NAALADL2: variants seen among roughly 807,000 people sequenced by gnomAD.
NAALADL2 encodes inactive N-acetylated-alpha-linked acidic dipeptidase-like protein 2.
NAALADL2 carries 76 observed loss-of-function variants against 87.2 expected under a neutral mutation model. That is an observed-to-expected ratio of 0.87 (90% CI 0.72 to 1.05). NAALADL2 has a LOEUF of 1.05. NAALADL2 is among the 50% of genes least tolerant of loss of function. The probability of loss-of-function intolerance (pLI) is 0.00; values close to 1 mark genes in which losing one functional copy is unlikely to be tolerated. For synonymous variants in NAALADL2, 354 were observed against 331.0 expected (o/e 1.07, Z -0.75); for missense variants, 1,089 against 945.8 (o/e 1.15, Z -1.99).
intron 11 of NAALADL2, among the ~76,000 whole-genome samples, chr3:175,637,877 C>G (rs1048256949): frequency 6.6e-6 from 1 of 152,000 alleles, no homozygotes; most frequent in Non-Finnish European, 1.5e-5. Context: ...TTTTATGGAC[C>G]TTGGAATTGA....
intron 6 of NAALADL2, among the ~76,000 whole-genome samples, chr3:175,450,015 A>G (rs1721316470): frequency 6.6e-6 from 1 of 152,304 alleles, no homozygotes; most frequent in African/African-American, 2.4e-5. Flanking sequence ...TAAATTTTCC[A>G]AATACTGATT....
chr3:175,733,483 T>A (rs960823161), intron 11 of NAALADL2, among the ~76,000 whole-genome samples: 10 of 152,170 alleles, frequency 6.6e-5, no homozygotes, highest in African/African-American at 2.2e-4. Context: ...CATCTCCTAC[T>A]GGGTCCTTCC....
At chr3:175,768,076 A>G (rs1188907399) in intron 13 of NAALADL2, among the ~76,000 whole-genome samples, 1 of 152,130 alleles carries the variant, frequency 6.6e-6, no homozygotes, top group African/African-American at 2.4e-5. Flanking sequence ...ATAATTGGTC[A>G]TGGTGGGGTT....
At chr3:175,259,220 C>T (rs1750597526) in intron 4 of NAALADL2, among the ~76,000 whole-genome samples, 1 of 152,138 alleles carries the variant, frequency 6.6e-6, no homozygotes, top group Admixed American at 6.5e-5. Flanking sequence ...TCTCCAACAA[C>T]AGATAGGTAA....
chr3:175,510,426 C>G (rs1400691867), intron 9 of NAALADL2, among the ~76,000 whole-genome samples: 2 of 152,156 alleles, frequency 1.3e-5, no homozygotes, highest in Admixed American at 6.5e-5. Context: ...ATGAATGAGA[C>G]ATGTCAGTTG....
chr3:175,605,571 T>C (rs1236371371), intron 10 of NAALADL2, among the ~76,000 whole-genome samples: 1 of 151,588 alleles, frequency 6.6e-6, no homozygotes, highest in Non-Finnish European at 1.5e-5. Context: ...TAAGCATATG[T>C]TTTACTCTTC....
intron 2 of NAALADL2, among the ~76,000 whole-genome samples, chr3:174,685,980 C>T (rs1428806618): frequency 6.6e-6 from 1 of 152,052 alleles, no homozygotes; most frequent in African/African-American, 2.4e-5. Flanking sequence ...CATCCATTTT[C>T]CTGTAAAGGA....
intron 6 of NAALADL2, among the ~76,000 whole-genome samples, chr3:175,449,398 T>TC (rs1560570325): frequency 8.9e-5 from 13 of 146,732 alleles, no homozygotes; most frequent in East Asian, 2.0e-4. Flanking sequence ...TTTCTTCTTT[T>TC]TTTTTTTTTT....
chr3:174,616,439 C>T (rs1390095129), intron 2 of NAALADL2, among the ~76,000 whole-genome samples: 1 of 151,806 alleles, frequency 6.6e-6, no homozygotes, highest in African/African-American at 2.4e-5. Flanking sequence ...GAATGATGAC[C>T]AACTGTTTAT....
At chr3:175,717,758 G>C (rs1014449706) in intron 11 of NAALADL2, among the ~76,000 whole-genome samples, 1 of 148,412 alleles carries the variant, frequency 6.7e-6, no homozygotes, top group Non-Finnish European at 1.5e-5. Flanking sequence ...TGAAGGAGAT[G>C]ATTGAAGTTT....
intron 1 of NAALADL2, among the ~76,000 whole-genome samples, chr3:174,882,535 G>A (rs1340410010): frequency 6.8e-6 from 1 of 147,050 alleles, no homozygotes; most frequent in African/African-American, 2.6e-5. Context: ...ACACATATAT[G>A]CATACACACA....
intron 2 of NAALADL2, among the ~76,000 whole-genome samples, chr3:174,575,773 T>C (rs749002388): frequency 7.9e-5 from 12 of 152,210 alleles, no homozygotes; most frequent in Admixed American, 2.6e-4. Context: ...CATTTATTGT[T>C]AATTTAGTCA....
At chr3:175,769,696 C>G (rs183048565) in intron 13 of NAALADL2, among the ~76,000 whole-genome samples, 1 of 151,278 alleles carries the variant, frequency 6.6e-6, no homozygotes, top group Admixed American at 6.6e-5. Flanking sequence ...AACAATAGGA[C>G]AATAGGAGAT....
Position 175,324,309 on chromosome 3 carries a change from T to G in NAALADL2, c.1074T>G (p.Pro358=). 6.2e-7 allele frequency: 1 copy of G among 1,611,076 alleles called. No homozygotes were observed. The highest frequency in any genetic ancestry group is 8.5e-7 in the Non-Finnish European group (1 of 1,178,868). The change falls in exon 5 of 14, where the codon CCT becomes CCG. Residue 358 remains proline, a synonymous_variant. Coordinates refer to ENST00000454872, the MANE Select transcript of NAALADL2 (RefSeq NM_207015.3). ...ATCCAGGAGGAGACCCTTCTACGCC[T>G]GGTTACCCAAGTGTCGGTAAGTTTG... ...SLNPGGDPST[P]GYPSVDESFR...
At chr3:174,733,846 A>G (rs904244170) in intron 2 of NAALADL2, among the ~76,000 whole-genome samples, 1 of 152,158 alleles carries the variant, frequency 6.6e-6, no homozygotes, top group Non-Finnish European at 1.5e-5. Context: ...GAGGGTTAAG[A>G]GCAATCATGA....
intron 13 of NAALADL2, among the ~76,000 whole-genome samples, chr3:175,758,192 T>G (rs1747523120): frequency 6.6e-6 from 1 of 152,060 alleles, no homozygotes; most frequent in South Asian, 2.1e-4. Context: ...GCTAGTAATG[T>G]AATTACAGTA....
intron 1 of NAALADL2, among the ~76,000 whole-genome samples, chr3:175,033,093 C>T (rs73034429): frequency 0.02 from 3,065 of 151,716 alleles, 105 homozygotes; most frequent in African/African-American, 0.07. Context: ...AAAGCTCAAG[C>T]GGGGGATGGA....
intron 3 of NAALADL2, among the ~76,000 whole-genome samples, chr3:174,788,079 A>G (rs1375770607): frequency 6.6e-6 from 1 of 152,112 alleles, no homozygotes; most frequent in Non-Finnish European, 1.5e-5. Flanking sequence ...TCTAGAGAAG[A>G]CTCAAAAAGA....
intron 4 of NAALADL2, among the ~76,000 whole-genome samples, chr3:175,311,285 AAAT>A (rs1758333309): frequency 6.6e-6 from 1 of 151,378 alleles, no homozygotes; most frequent in African/African-American, 2.4e-5. Flanking sequence ...AAAAATTGTC[AAAT>A]AACATTATAT....
Sources: gnomAD v4.1 joint callset for allele counts (sites outside exome capture counted in the v4.1 genomes callset) on GRCh38, gnomAD v4.1.1 for gene constraint, MANE v1.5 for transcripts, NCBI Gene and HGNC (gene_info 2026-07-23, HGNC 2026-07-21) for gene names.